Variants in SLC1A2 observed in about 807,000 individuals in gnomAD.
SLC1A2 encodes the protein solute carrier family 1 member 2.
In SLC1A2, 15 loss-of-function variants were observed where a neutral mutation model predicts 48.8. The observed-to-expected ratio is 0.31, with a 90% CI of 0.21 to 0.47. SLC1A2 has a LOEUF of 0.47. SLC1A2 is among the 20% of genes least tolerant of loss of function. SLC1A2 has a pLI of 0.99. For missense variants in SLC1A2, 502 were observed against 730.5 expected (o/e 0.69, Z 3.61); for synonymous variants, 279 against 272.6 (o/e 1.02, Z -0.23).
At chr11:35,373,182 G>A (rs9704794) in intron 1 of SLC1A2, among the ~76,000 whole-genome samples, 40,705 of 152,162 alleles carry the variant, frequency 0.27, 5,521 homozygotes, top group Middle Eastern at 0.3. Context: ...TGGAGGAGCA[G>A]GGCCCAGTCA....
intron 1 of SLC1A2, among the ~76,000 whole-genome samples, chr11:35,349,754 G>T (rs1004659126): frequency 3.3e-5 from 5 of 152,178 alleles, no homozygotes; most frequent in African/African-American, 1.2e-4. Context: ...TATGTCTCCA[G>T]GGTTTCCTAT....
intron 5 of SLC1A2, among the ~76,000 whole-genome samples, chr11:35,304,272 T>C (rs1023602237): frequency 2.6e-5 from 4 of 152,004 alleles, no homozygotes; most frequent in Admixed American, 2.0e-4. Context: ...AATGATTCAC[T>C]CCAAAGCCCT....
At chr11:35,322,881 T>G in intron 1 of SLC1A2, 2 of 633,276 alleles carry the variant, frequency 3.2e-6, no homozygotes, top group Non-Finnish European at 5.6e-6. Flanking sequence ...TAAAAGGGCC[T>G]GAAACTCTAA....
intron 1 of SLC1A2, among the ~76,000 whole-genome samples, chr11:35,337,935 T>G (rs2135019297): frequency 6.6e-6 from 1 of 152,306 alleles, no homozygotes; most frequent in East Asian, 1.9e-4. Context: ...ACCATCAACA[T>G]TATCATTGTT....
At chr11:35,301,786 A>G in intron 5 of SLC1A2, 141 bp from the exon 6 acceptor site, 1 of 747,650 alleles carries the variant, frequency 1.3e-6, no homozygotes, top group Non-Finnish European at 2.1e-6. Context: ...AGAACAAAGC[A>G]TTATATTTGA....
rs114400802 is a variant in SLC1A2 at position 35,304,526 on chromosome 11, C to T, written c.730+1548G>A. On this transcript the variant is annotated intron_variant, in intron 5 of 10. Coordinates refer to ENST00000278379, the MANE Select transcript of SLC1A2 (RefSeq NM_004171.4). Reference sequence around the variant, plus strand: ...TCTCCTTCCTACTCCTCGCTCCTTCCACCTCTCACCTCCCACTGGTTGTTA... The same window carrying T: ...TCTCCTTCCTACTCCTCGCTCCTTCTACCTCTCACCTCCCACTGGTTGTTA... Among the ~76,000 whole-genome samples the T allele has an allele frequency of 3.9e-3, 590 of 152,202 alleles. 3 individuals carry two copies. The highest frequency in any genetic ancestry group is 0.014 in the African/African-American group (575 of 41,514).
intron 1 of SLC1A2, among the ~76,000 whole-genome samples, chr11:35,345,470 A>G (rs7930134): frequency 6.6e-6 from 1 of 151,872 alleles, no homozygotes; most frequent in African/African-American, 2.4e-5. Context: ...TCCCTGTTCC[A>G]TGTGCAAGGC....
chr11:35,327,826 A>G (rs546230585), intron 1 of SLC1A2, among the ~76,000 whole-genome samples: 11 of 152,350 alleles, frequency 7.2e-5, no homozygotes, highest in African/African-American at 2.4e-4. Flanking sequence ...GAAGCTTGGA[A>G]GTAGCAGAGT....
chr11:35,296,240 G>A (rs1485100831), intron 6 of SLC1A2, among the ~76,000 whole-genome samples: 5 of 152,186 alleles, frequency 3.3e-5, no homozygotes, highest in Non-Finnish European at 4.4e-5. Flanking sequence ...GAGGTAAGCT[G>A]AGGGACTTTC....
chr11:35,263,205 C>T (rs1253281938), intron 10 of SLC1A2, among the ~76,000 whole-genome samples: 1 of 152,192 alleles, frequency 6.6e-6, no homozygotes, highest in Non-Finnish European at 1.5e-5. Flanking sequence ...GTGGCTCACG[C>T]CTGTAATCCC....
chr11:35,387,342 C>G (rs1170231722), intron 1 of SLC1A2, among the ~76,000 whole-genome samples: 2 of 152,112 alleles, frequency 1.3e-5, no homozygotes, highest in African/African-American at 4.8e-5. Context: ...AACGTGGGGT[C>G]TCTGGCCACT....
chr11:35,420,135 A>ATTT (rs561948166), upstream of SLC1A2: 333 of 149,476 alleles, frequency 2.2e-3, 3 homozygotes, highest in South Asian at 0.012. Context: ...GGAGGCCGGG[A>ATTT]TTTTTTTTTT....
chr11:35,358,380 T>TA (rs1307912361), intron 1 of SLC1A2, among the ~76,000 whole-genome samples: 1 of 152,222 alleles, frequency 6.6e-6, no homozygotes, highest in Non-Finnish European at 1.5e-5. Flanking sequence ...ATCATGTTTT[T>TA]AAAAGCTGAA....
intron 1 of SLC1A2, among the ~76,000 whole-genome samples, chr11:35,387,002 T>G (rs942933654): frequency 2.6e-5 from 4 of 152,202 alleles, no homozygotes; most frequent in Non-Finnish European, 5.9e-5. Context: ...ACTTCTAGAA[T>G]CAAGCAATCC....
intron 1 of SLC1A2, among the ~76,000 whole-genome samples, chr11:35,345,037 G>A (rs1201872275): frequency 6.7e-6 from 1 of 150,058 alleles, no homozygotes; most frequent in Non-Finnish European, 1.5e-5. Flanking sequence ...TTGTCTCTAA[G>A]TGGAGTTTTG....
rs114414736 is a variant in SLC1A2 at position 35,393,335 on chromosome 11, C to T, written c.17+25615G>A. Reference sequence around the variant, plus strand: ...GGATCTGTTTAATGCATGAATGGCACCGCATTTTATTGCAGCTTGAGCTGG... The same window carrying T: ...GGATCTGTTTAATGCATGAATGGCATCGCATTTTATTGCAGCTTGAGCTGG... On this transcript the variant is annotated intron_variant, in intron 1 of 10. Transcript: ENST00000278379. Among the ~76,000 whole-genome samples, 1,037 of 152,288 alleles carry T rather than the reference C, an allele frequency of 6.8e-3. 14 individuals carry two copies. Among genetic ancestry groups the T allele is most frequent in the African/African-American group, 0.024 (977 of 41,554 alleles).
chr11:35,334,161 C>T (rs1852532321), intron 1 of SLC1A2, among the ~76,000 whole-genome samples: 2 of 152,130 alleles, frequency 1.3e-5, no homozygotes, highest in Admixed American at 6.6e-5. Flanking sequence ...CCCCACCATC[C>T]CTTATTGTCT....
At chr11:35,298,726 A>C (rs1271949909) in intron 6 of SLC1A2, 1 of 152,218 alleles carries the variant, frequency 6.6e-6, no homozygotes, top group East Asian at 1.9e-4. Flanking sequence ...GAAACTTCTT[A>C]ATTCATACCA....
Position 35,396,882 on chromosome 11 carries a change from C to T in SLC1A2, c.17+22068G>A, listed in dbSNP as rs1395374981. ...AATCACAAGCATTCTTATACACCAA[C>T]AACACACAAACAGAGAGCCAAATCA... On this transcript the variant is annotated intron_variant, in intron 1 of 10. Transcript: ENST00000278379. Among the ~76,000 whole-genome samples the T allele has an allele frequency of 2.0e-4, 31 of 151,718 alleles. 2 individuals are homozygous for T. In the South Asian group the frequency reaches 6.3e-3, roughly 31 times the overall value.
Sources: gnomAD v4.1 joint callset for allele counts (sites outside exome capture counted in the v4.1 genomes callset) on GRCh38, gnomAD v4.1.1 for gene constraint, MANE v1.5 for transcripts, NCBI Gene and HGNC (gene_info 2026-07-23, HGNC 2026-07-21) for gene names.